The following UGT1A7 variants were observed in gnomAD, a reference collection of about 807,000 sequenced individuals.
The protein encoded by UGT1A7 is UDP glucuronosyltransferase family 1 member A7.
Under a neutral mutation model 45.6 loss-of-function variants are expected in UGT1A7, and 33 were observed. The observed-to-expected ratio is 0.72, with a 90% CI of 0.55 to 0.97. UGT1A7 has a LOEUF of 0.97. Ranked by LOEUF, UGT1A7 falls within the 50% of genes least tolerant of loss-of-function variation. The pLI is 0.00. For missense variants in UGT1A7, 684 were observed against 666.2 expected (o/e 1.03, Z -0.29); for synonymous variants, 274 against 250.6 (o/e 1.09, Z -0.88).
At chr2:233,724,685 G>T (rs1329497832) in intron 1 of UGT1A7, among the ~76,000 whole-genome samples, 6 of 144,884 alleles carry the variant, frequency 4.1e-5, no homozygotes, top group African/African-American at 1.6e-4. Context: ...TGGGATGGCG[G>T]CCGGGTGAAG....
intron 1 of UGT1A7, among the ~76,000 whole-genome samples, chr2:233,717,526 T>C (rs1481309562): frequency 5.3e-5 from 8 of 152,182 alleles, no homozygotes; most frequent in Non-Finnish European, 1.0e-4. Context: ...ACTTCCTCCA[T>C]AAGGGAAGCC....
At chr2:233,710,187 G>A (rs760238092) in intron 1 of UGT1A7, among the ~76,000 whole-genome samples, 1 of 152,152 alleles carries the variant, frequency 6.6e-6, no homozygotes, top group Admixed American at 6.5e-5. Flanking sequence ...TGGACATGTG[G>A]ATAGTTTCCA....
chr2:233,748,553 T>G (rs1693970920), intron 1 of UGT1A7, among the ~76,000 whole-genome samples: 1 of 151,806 alleles, frequency 6.6e-6, no homozygotes, highest in Admixed American at 6.5e-5. Context: ...ACCTAAGCAC[T>G]CGCAGGAAGT....
intron 1 of UGT1A7, among the ~76,000 whole-genome samples, chr2:233,751,222 C>A (rs1694670649): frequency 6.6e-6 from 1 of 151,992 alleles, no homozygotes; most frequent in African/African-American, 2.4e-5. Context: ...GATTTAATGA[C>A]TGCCCTGCCT....
rs376278520 is a variant in UGT1A7, at chr2:233,729,272, G to A, written c.856-37762G>A. The A allele has an allele frequency of 1.9e-5, 30 of 1,614,080 alleles. No homozygotes were observed. The highest frequency in any genetic ancestry group is 9.3e-5 in the African/African-American group (7 of 74,926). ...TGGCTCAGCATGCGGGAGGTCTTGC[G>A]GGAGCTCCATGCCAGAGGCCACCAG... On this transcript the variant is annotated intron_variant, in intron 1 of 4. Coordinates refer to ENST00000373426, the MANE Select transcript of UGT1A7 (RefSeq NM_019077.3).
intron 1 of UGT1A7, among the ~76,000 whole-genome samples, chr2:233,744,613 C>G (rs1692866168): frequency 6.6e-6 from 1 of 151,808 alleles, no homozygotes; most frequent in South Asian, 2.1e-4. Context: ...GTACTTGGCT[C>G]TATAGAGAGG....
chr2:233,729,174 G>A, intron 1 of UGT1A7: 1 of 1,613,808 alleles, frequency 6.2e-7, no homozygotes, highest in Non-Finnish European at 8.5e-7. Flanking sequence ...CCACAGGACT[G>A]CTGCTTCTCC....
Position 233,713,658 on chromosome 2 carries a change from C to T in UGT1A7, c.855+30866C>T, listed in dbSNP as rs376312935. The stretch of plus-strand genomic sequence containing the variant: ...GCTCTACCCTCTGGCCCTGTCCTAC[C>T]TTTGCCATGCTGTTTCTGCTCCTTA... On this transcript the variant is annotated intron_variant, in intron 1 of 4. Coordinates refer to ENST00000373426, the MANE Select transcript of UGT1A7 (RefSeq NM_019077.3). 2 of 1,613,954 alleles carry T rather than the reference C, an allele frequency of 1.2e-6. No homozygotes were observed. Among genetic ancestry groups the T allele is most frequent in the Non-Finnish European group, 1.7e-6 (2 of 1,179,862 alleles).
At chr2:233,761,229 T>C in intron 1 of UGT1A7, 2 of 1,613,382 alleles carry the variant, frequency 1.2e-6, no homozygotes, top group Non-Finnish European at 1.7e-6. Flanking sequence ...TAGCCCCAGA[T>C]ATATGCTGAG....
At chr2:233,698,734 C>T (rs2075459166) in intron 1 of UGT1A7, among the ~76,000 whole-genome samples, 2 of 152,196 alleles carry the variant, frequency 1.3e-5, no homozygotes, top group African/African-American at 4.8e-5. Context: ...AGCTTGGTGA[C>T]CATTTTTTAC....
Position 233,722,831 on chromosome 2 carries a change from TAATAAG to T in UGT1A7, c.855+40043_855+40048del, listed in dbSNP as rs774819314. On this transcript the variant is annotated intron_variant, in intron 1 of 4. Coordinates refer to ENST00000373426, the MANE Select transcript of UGT1A7 (RefSeq NM_019077.3). ...TATTTTTTCAAGTTATTTTGTATTA[TAATAAG>T]AATGTTTCTTTTTTTTTTTTTTGAA... Among the ~76,000 whole-genome samples the T allele has an allele frequency of 7.7e-4, 116 of 149,718 alleles. 2 individuals are homozygous for T. The highest frequency in any genetic ancestry group is 2.2e-3 in the Admixed American group (33 of 14,992).
chr2:233,702,086 A>G (rs1193659168), intron 1 of UGT1A7, among the ~76,000 whole-genome samples: 1 of 152,166 alleles, frequency 6.6e-6, no homozygotes, highest in African/African-American at 2.4e-5. Flanking sequence ...ATAGTCACAG[A>G]TTTGTACAAC....
chr2:233,716,022 C>A (rs1245337561), intron 1 of UGT1A7, among the ~76,000 whole-genome samples: 2 of 152,150 alleles, frequency 1.3e-5, no homozygotes, highest in African/African-American at 2.4e-5. Context: ...CTGATAGTTT[C>A]TTTTGATGTC....
At chr2:233,749,443 T>C (rs551988322) in intron 1 of UGT1A7, among the ~76,000 whole-genome samples, 4 of 151,902 alleles carry the variant, frequency 2.6e-5, no homozygotes, top group Non-Finnish European at 5.9e-5. Flanking sequence ...GTCATCTCAG[T>C]GGAGCAGAAC....
chr2:233,688,897 T>C (rs1387591084), intron 1 of UGT1A7, among the ~76,000 whole-genome samples: 2 of 151,874 alleles, frequency 1.3e-5, no homozygotes, highest in Non-Finnish European at 1.5e-5. Flanking sequence ...TTGGGAGAAG[T>C]TGGGGGGATG....
chr2:233,682,927 C>T (rs2074607271), intron 1 of UGT1A7, 135 bp downstream of exon 1: 1 of 1,459,984 alleles, frequency 6.8e-7, no homozygotes, highest in Non-Finnish European at 9.0e-7. Flanking sequence ...TCTTTTGTAC[C>T]AATTCACTTA....
At position 233,767,472 on chromosome 2, in the gene UGT1A7, A is replaced by G. The variant is rs1018124; in HGVS notation, c.987+307A>G. 0.091 allele frequency among the ~76,000 whole-genome samples: 13,872 copies of G among 152,248 alleles called. 828 individuals carry two copies. The highest frequency in any genetic ancestry group is 0.2 in the East Asian group (1,015 of 5,184). On this transcript the variant is annotated intron_variant, in intron 2 of 4. Coordinates refer to ENST00000373426, the MANE Select transcript of UGT1A7 (RefSeq NM_019077.3). ...AATAAATGGGATATTGTTTCTTCAT[A>G]TTAAATAGAAGTATTTCTCCAAAAA...
intron 1 of UGT1A7, among the ~76,000 whole-genome samples, chr2:233,721,326 T>G (rs2076937613): frequency 6.6e-6 from 1 of 152,254 alleles, no homozygotes; most frequent in East Asian, 1.9e-4. Context: ...TTTCTTGTGG[T>G]TTTTCACTAT....
chr2:233,762,466 T>C (rs377017824), intron 1 of UGT1A7, among the ~76,000 whole-genome samples: 5 of 152,354 alleles, frequency 3.3e-5, no homozygotes, highest in African/African-American at 9.6e-5. Context: ...GATAATGTCA[T>C]GGATATCACT....
Sources: allele counts gnomAD v4.1 joint callset (sites outside exome capture counted in the v4.1 genomes callset), GRCh38; gene constraint gnomAD v4.1.1; transcripts MANE v1.5; gene names NCBI Gene and HGNC (gene_info 2026-07-23, HGNC 2026-07-21).